Variants in GPR15LG observed in about 807,000 individuals in gnomAD.
GPR15LG encodes protein GPR15LG.
chr10:84,185,000 G>A, the GPR15LG span: 11 of 1,365,188 alleles, frequency 8.1e-6, no homozygotes, highest in South Asian at 3.1e-5. Context: ...GGCCTCAGTC[G>A]CCACCATGTG....
the GPR15LG span, among the ~76,000 whole-genome samples, chr10:84,179,286 C>T: frequency 6.6e-6 from 1 of 152,230 alleles, no homozygotes; most frequent in Admixed American, 6.5e-5. Flanking sequence ...GACTTGGCAT[C>T]AAGCCTGCCA....
At chr10:84,182,915 A>G in the GPR15LG span, among the ~76,000 whole-genome samples, 1 of 152,096 alleles carries the variant, frequency 6.6e-6, no homozygotes, top group Non-Finnish European at 1.5e-5. Flanking sequence ...TCCACCAGAA[A>G]TGCTGGTGGA....
chr10:84,184,318 G>A, the GPR15LG span, among the ~76,000 whole-genome samples: 6 of 152,358 alleles, frequency 3.9e-5, no homozygotes, highest in East Asian at 1.2e-3. Flanking sequence ...GACAGCCAGA[G>A]GGCCCAAGGG....
At chr10:84,173,831 G>A in the GPR15LG span, 37 of 1,589,200 alleles carry the variant, frequency 2.3e-5, no homozygotes, top group African/African-American at 1.1e-4. Context: ...TTCCCAGGAC[G>A]TGAAAATCTG....
chr10:84,183,723 C>T, the GPR15LG span, among the ~76,000 whole-genome samples: 1 of 151,890 alleles, frequency 6.6e-6, no homozygotes, highest in Non-Finnish European at 1.5e-5. Context: ...TATGGCTCAC[C>T]ACAGCCTCAC....
the GPR15LG span, among the ~76,000 whole-genome samples, chr10:84,175,645 C>G: frequency 6.6e-6 from 1 of 152,154 alleles, no homozygotes; most frequent in African/African-American, 2.4e-5. Flanking sequence ...GCTGGGAAAA[C>G]AGGTGCGCAC....
chr10:84,182,153 C>T, the GPR15LG span, among the ~76,000 whole-genome samples: 3 of 152,292 alleles, frequency 2.0e-5, no homozygotes, highest in African/African-American at 2.4e-5. Flanking sequence ...AAATGTTACC[C>T]GTTGAGGATA....
the GPR15LG span, among the ~76,000 whole-genome samples, chr10:84,181,177 G>A: frequency 6.4e-3 from 890 of 138,930 alleles, 33 homozygotes; most frequent in African/African-American, 0.024. Context: ...GAGGGAGACC[G>A]TGCAAAGAGG....
the GPR15LG span, among the ~76,000 whole-genome samples, chr10:84,180,223 A>G: frequency 2.0e-5 from 3 of 152,300 alleles, no homozygotes; most frequent in Non-Finnish European, 4.4e-5. Flanking sequence ...ACAGCATCCC[A>G]AGGCAGAAGA....
chr10:84,178,771 C>T, the GPR15LG span, among the ~76,000 whole-genome samples: 1 of 152,246 alleles, frequency 6.6e-6, no homozygotes, highest in Non-Finnish European at 1.5e-5. Context: ...TGTGTGGCTT[C>T]TGTGCTGAGA....
the GPR15LG span, among the ~76,000 whole-genome samples, chr10:84,174,728 A>C: frequency 6.6e-6 from 1 of 151,870 alleles, no homozygotes; most frequent in African/African-American, 2.4e-5. Context: ...CTAACCTCGT[A>C]ATCCTCCCAC....
the GPR15LG span, among the ~76,000 whole-genome samples, chr10:84,183,789 G>A: frequency 1.3e-5 from 2 of 152,026 alleles, no homozygotes; most frequent in Non-Finnish European, 2.9e-5. Context: ...AGGACCACAG[G>A]CGTGCGCCAC....
chr10:84,180,315 TC>T, the GPR15LG span, among the ~76,000 whole-genome samples: 1 of 152,260 alleles, frequency 6.6e-6, no homozygotes, highest in Non-Finnish European at 1.5e-5. Context: ...GATCTCTCTT[TC>T]TTTTCCCCAC....
the GPR15LG span, among the ~76,000 whole-genome samples, chr10:84,177,623 C>T: frequency 0.027 from 4,117 of 152,258 alleles, 168 homozygotes; most frequent in African/African-American, 0.093. Flanking sequence ...CAGCCGCAGA[C>T]CTTCTCCCGG....
chr10:84,176,620 C>T, the GPR15LG span: 1 of 1,339,566 alleles, frequency 7.5e-7, no homozygotes, highest in Non-Finnish European at 1.1e-6. Context: ...CTACAGTGGC[C>T]ATGGGACCAG....
At chr10:84,175,056 C>A in the GPR15LG span, among the ~76,000 whole-genome samples, 1 of 152,012 alleles carries the variant, frequency 6.6e-6, no homozygotes, top group African/African-American at 2.4e-5. Context: ...AAGGTTATAT[C>A]TTTTTTATTT....
chr10:84,178,915 C>G, the GPR15LG span, among the ~76,000 whole-genome samples: 1 of 152,220 alleles, frequency 6.6e-6, no homozygotes, highest in Non-Finnish European at 1.5e-5. Context: ...TTGAGACCAC[C>G]GTGGGGAGGT....
At chr10:84,176,173 C>T in the GPR15LG span, among the ~76,000 whole-genome samples, 1 of 152,340 alleles carries the variant, frequency 6.6e-6, no homozygotes, top group Admixed American at 6.5e-5. Context: ...CAGGCATGAG[C>T]CACCACACCC....
chr10:84,180,845 G>A, the GPR15LG span, among the ~76,000 whole-genome samples: 1 of 152,246 alleles, frequency 6.6e-6, no homozygotes, highest in Non-Finnish European at 1.5e-5. Flanking sequence ...GGCACCTCGG[G>A]AGGCCGAGGC....
Sources: gnomAD v4.1 joint callset for allele counts (sites outside exome capture counted in the v4.1 genomes callset) on GRCh38, gnomAD v4.1.1 for gene constraint, MANE v1.5 for transcripts, NCBI Gene and HGNC (gene_info 2026-07-23, HGNC 2026-07-21) for gene names.